The following NCKAP5 variants were observed in gnomAD, a reference collection of about 807,000 sequenced individuals.
The protein encoded by NCKAP5 is nck-associated protein 5.
A neutral mutation model predicts 167.0 loss-of-function variants in NCKAP5; 92 were observed. That is an observed-to-expected ratio of 0.55 (90% CI 0.47 to 0.66). NCKAP5 has a LOEUF of 0.66. NCKAP5 is among the 30% of genes least tolerant of loss of function. The pLI is 0.00. For synonymous variants in NCKAP5, 891 were observed against 877.4 expected (o/e 1.02, Z -0.27); for missense variants, 2,378 against 2,315.0 (o/e 1.03, Z -0.56).
chr2:133,338,997 GTGACAGAGTGAGACTCCATC>G (rs1300353900), intron 3 of NCKAP5, among the ~76,000 whole-genome samples: 1 of 152,180 alleles, frequency 6.6e-6, no homozygotes, highest in Non-Finnish European at 1.5e-5. Context: ...TGCAGCCTAT[GTGACAGAGTGAGACTCCATC>G]TCAAAAAACA....
intron 19 of NCKAP5, among the ~76,000 whole-genome samples, chr2:132,699,485 C>A (rs148055032): frequency 0.064 from 9,669 of 151,984 alleles, 347 homozygotes; most frequent in East Asian, 0.12. Flanking sequence ...CCCACTCCCC[C>A]CTCCCCACGA....
intron 11 of NCKAP5, among the ~76,000 whole-genome samples, chr2:132,805,046 T>C (rs1685327025): frequency 6.6e-6 from 1 of 152,070 alleles, no homozygotes; most frequent in Admixed American, 6.6e-5. Context: ...TTAATTATGT[T>C]GCCTTGGTGA....
intron 8 of NCKAP5, among the ~76,000 whole-genome samples, chr2:132,889,456 A>T (rs1396218725): frequency 6.6e-6 from 1 of 152,158 alleles, no homozygotes; most frequent in Non-Finnish European, 1.5e-5. Flanking sequence ...GATAAAATAT[A>T]CAGGGGCCAC....
At position 133,038,026 on chromosome 2, in the gene NCKAP5, A is replaced by G. The variant is rs150393320; in HGVS notation, c.342-43787T>C. ...CTTGTAAACTGTTGGTGGGAATGTA[A>G]ATTAGTACAACCACTAAGGAGAATA... On this transcript the variant is annotated intron_variant, in intron 6 of 19. Coordinates refer to ENST00000409261, the MANE Select transcript of NCKAP5 (RefSeq NM_207363.3). 7.2e-5 allele frequency among the ~76,000 whole-genome samples: 11 copies of G among 152,290 alleles called. No individual in the cohort carries two copies. The East Asian group carries it at 2.1e-3, about 29-fold the overall frequency.
intron 3 of NCKAP5, among the ~76,000 whole-genome samples, chr2:133,393,011 G>A (rs565079742): frequency 3.7e-4 from 57 of 152,250 alleles, no homozygotes; most frequent in African/African-American, 1.3e-3. Flanking sequence ...CAGTACAGAA[G>A]CCAGGATACG....
intron 6 of NCKAP5, among the ~76,000 whole-genome samples, chr2:133,032,219 C>T (rs1235182594): frequency 6.6e-6 from 1 of 152,118 alleles, no homozygotes; most frequent in East Asian, 1.9e-4. Flanking sequence ...TGGACCTTCC[C>T]AGAGGGAAGG....
intron 16 of NCKAP5, among the ~76,000 whole-genome samples, chr2:132,755,854 A>AAATAAT (rs56967710): frequency 0.25 from 36,038 of 143,568 alleles, 4,814 homozygotes; most frequent in East Asian, 0.35. Flanking sequence ...CTAAATGGCA[A>AAATAAT]AATAATAATA....
At chr2:133,527,255 G>C (rs1684998319) in intron 2 of NCKAP5, 2 of 152,034 alleles carry the variant, frequency 1.3e-5, no homozygotes, top group African/African-American at 4.8e-5. Flanking sequence ...TCCAGCAAAA[G>C]GTTTAACTAT....
At chr2:133,544,111 T>TA (rs1458013571) in intron 2 of NCKAP5, among the ~76,000 whole-genome samples, 35 of 152,368 alleles carry the variant, frequency 2.3e-4, no homozygotes, top group Middle Eastern at 3.4e-3. Context: ...TATCTTGAAT[T>TA]AAAATTGCCA....
At chr2:133,114,453 G>C (rs2082010349) in intron 6 of NCKAP5, among the ~76,000 whole-genome samples, 1 of 152,058 alleles carries the variant, frequency 6.6e-6, no homozygotes, top group Non-Finnish European at 1.5e-5. Flanking sequence ...TGTCAGTATG[G>C]ATAGGTATGT....
At chr2:133,174,524 T>C (rs2084375267) in intron 5 of NCKAP5, among the ~76,000 whole-genome samples, 1 of 152,294 alleles carries the variant, frequency 6.6e-6, no homozygotes, top group Non-Finnish European at 1.5e-5. Context: ...TATTTTATTC[T>C]ACAGGCTAAA....
intron 3 of NCKAP5, among the ~76,000 whole-genome samples, chr2:133,457,011 T>C (rs1177865173): frequency 6.6e-6 from 1 of 152,122 alleles, no homozygotes; most frequent in Non-Finnish European, 1.5e-5. Flanking sequence ...TCATCTCTAA[T>C]GTGCAGCATT....
intron 3 of NCKAP5, among the ~76,000 whole-genome samples, chr2:133,360,752 G>A (rs866333770): frequency 5.9e-5 from 9 of 152,162 alleles, no homozygotes; most frequent in Non-Finnish European, 8.8e-5. Flanking sequence ...AGGGAGAGGA[G>A]CTTCTGGAAA....
chr2:133,435,546 C>T (rs774427920), intron 3 of NCKAP5, among the ~76,000 whole-genome samples: 8 of 152,128 alleles, frequency 5.3e-5, no homozygotes, highest in Non-Finnish European at 1.2e-4. Flanking sequence ...GCATCATCAG[C>T]TCCCCTACCG....
chr2:133,168,787 CA>C (rs1209044212), intron 5 of NCKAP5, among the ~76,000 whole-genome samples: 3 of 152,140 alleles, frequency 2.0e-5, no homozygotes, highest in Admixed American at 2.0e-4. Context: ...TATAAGGTCA[CA>C]TTTGTTCTTT....
chr2:133,250,493 T>C (rs773603670), intron 4 of NCKAP5, among the ~76,000 whole-genome samples: 1 of 152,264 alleles, frequency 6.6e-6, no homozygotes, highest in Non-Finnish European at 1.5e-5. Context: ...CAGGTGTGGT[T>C]CCTGACACCA....
chr2:132,849,941 T>G (rs545924559), intron 11 of NCKAP5, among the ~76,000 whole-genome samples: 1 of 152,294 alleles, frequency 6.6e-6, no homozygotes, highest in South Asian at 2.1e-4. Flanking sequence ...AAGGGTACAA[T>G]GCTGATAATC....
intron 6 of NCKAP5, among the ~76,000 whole-genome samples, chr2:132,996,046 G>A (rs932565380): frequency 2.2e-4 from 33 of 152,098 alleles, no homozygotes; most frequent in Admixed American, 2.0e-4. Flanking sequence ...CTAGGCCTAC[G>A]CAGGGTCAGG....
intron 5 of NCKAP5, among the ~76,000 whole-genome samples, chr2:133,131,868 A>T (rs1201336023): frequency 1.3e-5 from 2 of 152,182 alleles, no homozygotes; most frequent in Non-Finnish European, 2.9e-5. Flanking sequence ...TACACAATTG[A>T]CATTCCTCTT....
Sources: gnomAD v4.1 joint callset for allele counts (sites outside exome capture counted in the v4.1 genomes callset) on GRCh38, gnomAD v4.1.1 for gene constraint, MANE v1.5 for transcripts, NCBI Gene and HGNC (gene_info 2026-07-23, HGNC 2026-07-21) for gene names.